Variants in MAP3K4 observed in about 807,000 individuals in gnomAD.
MAP3K4 encodes the protein MAP three kinase 1.
MAP3K4 carries 67 observed loss-of-function variants against 185.6 expected under a neutral mutation model. The observed-to-expected ratio is 0.36, with a 90% CI of 0.30 to 0.44. The LOEUF is 0.44. Among genes scored for constraint, MAP3K4 ranks in the 20% least tolerant of loss-of-function variants. MAP3K4 has a pLI of 1.00. For synonymous variants in MAP3K4, 702 were observed against 710.4 expected (o/e 0.99, Z 0.19); for missense variants, 1,551 against 1,995.1 (o/e 0.78, Z 4.24).
In MAP3K4 at chr6:161,098,688, A is replaced by G. The variant is rs894862572; in HGVS notation, c.3674+261A>G. On this transcript the variant is annotated intron_variant, in intron 17 of 26. Coordinates refer to ENST00000392142, the MANE Select transcript of MAP3K4 (RefSeq NM_005922.4). The surrounding 1 kb of genome is among the most constrained non-coding windows in gnomAD (Gnocchi z 4.4). ...TAAAGACTTTGCGAAGAATAACTTG[A>G]TGGAGTATCATAGGAAAGGACTGGT... 6.6e-6 allele frequency among the ~76,000 whole-genome samples: 1 copy of G among 152,206 alleles called. No individual in the cohort carries two copies. The highest frequency in any genetic ancestry group is 1.9e-4 in the East Asian group (1 of 5,200).
chr6:161,043,748 G>A lies in MAP3K4; in HGVS notation c.344-4868G>A, dbSNP rs1458948756. 6.6e-6 allele frequency among the ~76,000 whole-genome samples: 1 copy of A among 152,198 alleles called. No homozygotes were observed. Among genetic ancestry groups the A allele is most frequent in the Non-Finnish European group, 1.5e-5 (1 of 68,028 alleles). On this transcript the variant is annotated intron_variant, in intron 2 of 26. Transcript: ENST00000392142. The surrounding 1 kb of genome is among the most constrained non-coding windows in gnomAD (Gnocchi z 4.3). Reference sequence around the variant, plus strand: ...ACATACACTGAAATTTGAGAAGCTTGAGCTAGATGATCTCTAAGTCCCTTC... The same window carrying A: ...ACATACACTGAAATTTGAGAAGCTTAAGCTAGATGATCTCTAAGTCCCTTC...
rs12333027 is a variant in MAP3K4 at position 161,055,213 on chromosome 6, A to C, written c.1707+5234A>C. 8.8e-3 allele frequency among the ~76,000 whole-genome samples: 1,335 copies of C among 152,286 alleles called. 22 individuals are homozygous for C. The highest frequency in any genetic ancestry group is 0.031 in the African/African-American group (1,298 of 41,552). ...TTCCCAACCCTGCTTAAAAGTTAAC[A>C]AGAGTCATCTCAGCAGTCCAGTAGT... On this transcript the variant is annotated intron_variant, in intron 3 of 26. Transcript: ENST00000392142.
In MAP3K4 at chr6:161,109,143, T is replaced by G. The variant is rs1778235306; in HGVS notation, c.4236+284T>G. On this transcript the variant is annotated intron_variant, in intron 22 of 26. Coordinates refer to ENST00000392142, the MANE Select transcript of MAP3K4 (RefSeq NM_005922.4). The surrounding 1 kb of genome is among the most constrained non-coding windows in gnomAD (Gnocchi z 5.7). Reference sequence around the variant, plus strand: ...AAAACGCCCCTTACACCACTTCTTGTGACTTTTTTTCCGTTTTTTTGCTGA... The same window carrying G: ...AAAACGCCCCTTACACCACTTCTTGGGACTTTTTTTCCGTTTTTTTGCTGA... The G allele has an allele frequency of 1.3e-6, 1 of 750,988 alleles. No homozygotes were observed. The highest frequency in any genetic ancestry group is 2.1e-6 in the Non-Finnish European group (1 of 471,440). The allele number at this position is 750,988 out of a possible 1,614,324, so 46.5% of individuals were successfully genotyped here.
chr6:161,001,441 C>A (rs1781318742), intron 1 of MAP3K4, among the ~76,000 whole-genome samples: 1 of 152,012 alleles, frequency 6.6e-6, no homozygotes, highest in Non-Finnish European at 1.5e-5. Flanking sequence ...CTTGACATTT[C>A]CCCCGCTTCC....
chr6:161,100,221 C>T lies in MAP3K4; in HGVS notation c.3675-1671C>T, dbSNP rs921091382. Among the ~76,000 whole-genome samples, 10 of 152,116 alleles carry T rather than the reference C, an allele frequency of 6.6e-5. No individual in the cohort carries two copies. Among genetic ancestry groups the T allele is most frequent in the African/African-American group, 1.4e-4 (6 of 41,426 alleles). ...ACTGGTGGATTCGGCCCACTGCTCC[C>T]GAGGCAGACTTCACATACCCAAGGG... On this transcript the variant is annotated intron_variant, in intron 17 of 26. Coordinates refer to ENST00000392142, the MANE Select transcript of MAP3K4 (RefSeq NM_005922.4). This position sits in a 1 kb window ranked among gnomAD's most constrained non-coding sequence, Gnocchi z 5.8.
At chr6:160,992,223 G>A in intron 1 of MAP3K4, 140 bp downstream of exon 1, 1 of 1,204,924 alleles carries the variant, frequency 8.3e-7, no homozygotes, top group Non-Finnish European at 1.1e-6. Flanking sequence ...CGGGAGGGGC[G>A]CGGTGCATCC....
At position 161,098,177 on chromosome 6, in the gene MAP3K4, A is replaced by G. The variant is rs947398213; in HGVS notation, c.3525-101A>G. The G allele has an allele frequency of 2.3e-6, 3 of 1,286,668 alleles. No homozygotes were observed. Among genetic ancestry groups the G allele is most frequent in the South Asian group, 3.0e-5 (2 of 67,652 alleles). 79.7% of individuals were successfully genotyped at this position (1,286,668 alleles called of 1,614,324 possible). ...CAATTTGCATTTTATATTTTTAAAT[A>G]TATTTCACCCCCTTGCCATATTTTA... On this transcript the variant is annotated intron_variant, in intron 16 of 26. Transcript: ENST00000392142. The surrounding 1 kb of genome is among the most constrained non-coding windows in gnomAD (Gnocchi z 4.4).
At position 161,101,923 on chromosome 6, in the gene MAP3K4, G is replaced by T; in HGVS notation, c.3706G>T (p.Ala1236Ser). The T allele has an allele frequency of 6.2e-7, 1 of 1,614,076 alleles. No individual in the cohort carries two copies. The stretch of plus-strand genomic sequence containing the variant: ...CAGCGTTCCTGAAAATGATCGATTG[G>T]CTTCCATAGCTGCTGAATTGCAGTT... ...GSSVPENDRL[A>S]SIAAELQFRS... Residue 1236 changes from alanine to serine, a missense_variant, in exon 18 of 27, where the codon GCT becomes TCT. Physicochemically the swap from Ala to Ser is moderately conservative, Grantham distance 99. This residue lies in a region of MAP3K4 where 272 missense variants were observed against 301.2 expected (regional missense o/e 0.90). Coordinates refer to ENST00000392142, the MANE Select transcript of MAP3K4 (RefSeq NM_005922.4). The surrounding 1 kb of genome is among the most constrained non-coding windows in gnomAD (Gnocchi z 5.1).
In MAP3K4 at chr6:161,108,726, G is replaced by A; in HGVS notation, c.4120-17G>A. 1 of 1,479,690 alleles carries A rather than the reference G, an allele frequency of 6.8e-7. No individual in the cohort carries two copies. 91.7% of individuals were successfully genotyped at this position (1,479,690 alleles called of 1,614,324 possible). On this transcript the variant is annotated splice_polypyrimidine_tract_variant and intron_variant, in intron 21 of 26. Transcript: ENST00000392142. The surrounding 1 kb of genome is among the most constrained non-coding windows in gnomAD (Gnocchi z 5.7). ...TTAAATCAAGCCAGTTAACATTTTTGTCACCTCACTTTACAGATTCGATTT... is the reference window on the plus strand; with the variant it reads ...TTAAATCAAGCCAGTTAACATTTTTATCACCTCACTTTACAGATTCGATTT...
In MAP3K4 at chr6:161,034,296, C is replaced by G; in HGVS notation, c.190C>G (p.Pro64Ala). ...GTLGDSACKSPESDLEDFSDE... is the reference protein window; with the variant it reads ...GTLGDSACKSAESDLEDFSDE... ...ATTGGGAGATTCAGCTTGCAAGAGTCCTGAATCTGATCTAGAAGACTTCTC... is the reference window on the plus strand; with the variant it reads ...ATTGGGAGATTCAGCTTGCAAGAGTGCTGAATCTGATCTAGAAGACTTCTC... The change falls in exon 2 of 27, where the codon CCT becomes GCT. Residue 64 changes from proline to alanine, a missense_variant. Physicochemically the swap from Pro to Ala is conservative, Grantham distance 27 (BLOSUM62 -1). Coordinates refer to ENST00000392142, the MANE Select transcript of MAP3K4 (RefSeq NM_005922.4). This position sits in a 1 kb window ranked among gnomAD's most constrained non-coding sequence, Gnocchi z 4.4. 6.2e-7 allele frequency: 1 copy of G among 1,613,788 alleles called. No individual in the cohort carries two copies. The highest frequency in any genetic ancestry group is 8.5e-7 in the Non-Finnish European group (1 of 1,179,794).
rs116963214 is a variant in MAP3K4 at position 161,003,451 on chromosome 6, G to A, written c.152+11368G>A. ...CTTGATCTTTAGTTAGCAGTCTCAT[G>A]AATTTATCTTCTTCTTGATTAGAGT... is the stretch of plus-strand genomic sequence containing the variant. On this transcript the variant is annotated intron_variant, in intron 1 of 26. Transcript: ENST00000392142. 6.1e-3 allele frequency among the ~76,000 whole-genome samples: 931 copies of A among 152,308 alleles called. 7 individuals are homozygous for A. Among genetic ancestry groups the A allele is most frequent in the Middle Eastern group, 0.014 (4 of 294 alleles).
rs1784482013 is a variant in MAP3K4 at position 161,061,437 on chromosome 6, A to G, written c.1708-9171A>G. On this transcript the variant is annotated intron_variant, in intron 3 of 26. Coordinates refer to ENST00000392142, the MANE Select transcript of MAP3K4 (RefSeq NM_005922.4). The surrounding 1 kb of genome is among the most constrained non-coding windows in gnomAD (Gnocchi z 4.2). ...GATTCTTTTTTCTACTTTATTTCCA[A>G]AATAATAGCTTTATTGAGATATAAT... Among the ~76,000 whole-genome samples the G allele has an allele frequency of 6.6e-6, 1 of 152,242 alleles. No individual in the cohort carries two copies. Among genetic ancestry groups the G allele is most frequent in the Non-Finnish European group, 1.5e-5 (1 of 68,048 alleles).
chr6:161,076,767 A>G lies in MAP3K4; in HGVS notation c.2097+3155A>G, dbSNP rs1031746969. Among the ~76,000 whole-genome samples, 5 of 152,248 alleles carry G rather than the reference A, an allele frequency of 3.3e-5. No individual in the cohort carries two copies. Among genetic ancestry groups the G allele is most frequent in the African/African-American group, 4.8e-5 (2 of 41,470 alleles). ...GCAGAAGAACAAAGAGCAAAGAAGC[A>G]GGGAAGCTCTTAAGTTTTCATCCTA... On this transcript the variant is annotated intron_variant, in intron 5 of 26. Transcript: ENST00000392142. The surrounding 1 kb of genome is among the most constrained non-coding windows in gnomAD (Gnocchi z 4.2).
In MAP3K4 at chr6:161,109,517, G is replaced by C. The variant is rs1371625315; in HGVS notation, c.4237-238G>C. Reference sequence around the variant, plus strand: ...ATAGAAATTGATCCCCTGTGATTTGGAGATGTTCTTATCCCCAAGAGCTGT... The same window carrying C: ...ATAGAAATTGATCCCCTGTGATTTGCAGATGTTCTTATCCCCAAGAGCTGT... On this transcript the variant is annotated intron_variant, in intron 22 of 26. Transcript: ENST00000392142. This position sits in a 1 kb window ranked among gnomAD's most constrained non-coding sequence, Gnocchi z 5.7. 6.6e-6 allele frequency among the ~76,000 whole-genome samples: 1 copy of C among 152,156 alleles called. No homozygotes were observed. Among genetic ancestry groups the C allele is most frequent in the Non-Finnish European group, 1.5e-5 (1 of 68,026 alleles).
intron 2 of MAP3K4, among the ~76,000 whole-genome samples, chr6:161,045,086 AT>A (rs1338387936): frequency 6.6e-6 from 1 of 152,202 alleles, no homozygotes; most frequent in African/African-American, 2.4e-5. Flanking sequence ...AGGTAGAGTA[AT>A]TGGTATATCC....
chr6:161,032,478 T>G (rs1275875102), intron 1 of MAP3K4, among the ~76,000 whole-genome samples: 1 of 152,216 alleles, frequency 6.6e-6, no homozygotes, highest in African/African-American at 2.4e-5. Flanking sequence ...TTATTATCCT[T>G]ATTTTGTAAA....
intron 2 of MAP3K4, among the ~76,000 whole-genome samples, chr6:161,040,825 T>C (rs1783416512): frequency 6.6e-6 from 1 of 152,256 alleles, no homozygotes; most frequent in Non-Finnish European, 1.5e-5. Context: ...GAGGATATTA[T>C]CTTTGTGCAA....
chr6:161,099,875 CTT>C (rs1395984958), intron 17 of MAP3K4, among the ~76,000 whole-genome samples: 1 of 152,162 alleles, frequency 6.6e-6, no homozygotes, highest in Non-Finnish European at 1.5e-5. Flanking sequence ...GGAGTTTAGT[CTT>C]TGCAGAAGCA....
rs1781685272 is a variant in MAP3K4, at chr6:161,008,179, A to G, written c.152+16096A>G. 6.6e-6 allele frequency among the ~76,000 whole-genome samples: 1 copy of G among 152,140 alleles called. No individual in the cohort carries two copies. Among genetic ancestry groups the G allele is most frequent in the Non-Finnish European group, 1.5e-5 (1 of 67,992 alleles). On this transcript the variant is annotated intron_variant, in intron 1 of 26. Coordinates refer to ENST00000392142, the MANE Select transcript of MAP3K4 (RefSeq NM_005922.4). This position sits in a 1 kb window ranked among gnomAD's most constrained non-coding sequence, Gnocchi z 4.1. ...CAGTAGGAACCTTTGTTGGGTAGCA[A>G]TTGCATACTCATTTTCACTGGGTGT...
Sources: gnomAD v4.1 joint callset for allele counts (sites outside exome capture counted in the v4.1 genomes callset) on GRCh38, gnomAD v4.1.1 for gene constraint, gnomAD v4.1.1 regional missense constraint, Gnocchi (gnomAD v3.1) non-coding constraint, MANE v1.5 for transcripts, NCBI Gene and HGNC (gene_info 2026-07-23, HGNC 2026-07-21) for gene names.